The following TIAM1 variants were observed in gnomAD, a reference collection of about 807,000 sequenced individuals.
The protein encoded by TIAM1 is rho guanine nucleotide exchange factor TIAM1.
Under a neutral mutation model 163.5 loss-of-function variants are expected in TIAM1, and 65 were observed. The observed-to-expected ratio is 0.40, with a 90% CI of 0.33 to 0.49. TIAM1 has a LOEUF of 0.49. Ranked by LOEUF, TIAM1 falls within the 20% of genes least tolerant of loss-of-function variation. The pLI is 0.77. For missense variants in TIAM1, 1,789 were observed against 2,044.7 expected (o/e 0.87, Z 2.41); for synonymous variants, 833 against 810.1 (o/e 1.03, Z -0.48).
intron 22 of TIAM1, among the ~76,000 whole-genome samples, chr21:31,138,983 C>T (rs2082728034): frequency 1.3e-5 from 2 of 152,200 alleles, no homozygotes; most frequent in Non-Finnish European, 2.9e-5. Context: ...CAGTGTCCCT[C>T]CTTCCATCTT....
intron 1 of TIAM1, among the ~76,000 whole-genome samples, chr21:31,530,613 G>A (rs751868391): frequency 6.6e-6 from 1 of 152,170 alleles, no homozygotes; most frequent in Non-Finnish European, 1.5e-5. Context: ...CCGACTGTAT[G>A]AGCCCCCCTG....
intron 2 of TIAM1, among the ~76,000 whole-genome samples, chr21:31,438,179 CTTTTTTTTTTTTTTTTT>C (rs34844399): frequency 3.2e-5 from 2 of 62,716 alleles, no homozygotes; most frequent in African/African-American, 1.4e-4. Context: ...TATTTGTGAT[CTTTTTTTTTTTTTTTTT>C]TTTTTTTTTT....
chr21:31,293,703 G>A (rs938979144), intron 2 of TIAM1, among the ~76,000 whole-genome samples: 13 of 152,210 alleles, frequency 8.5e-5, no homozygotes, highest in Non-Finnish European at 5.9e-5. Flanking sequence ...TGAAGAGGTC[G>A]CTGCGAAGAG....
intron 15 of TIAM1, among the ~76,000 whole-genome samples, chr21:31,181,771 T>C (rs1488630117): frequency 1.8e-4 from 10 of 55,294 alleles, no homozygotes; most frequent in East Asian, 7.4e-4. Context: ...TTTTTTTTTT[T>C]TTTTTTTTTT....
At chr21:31,284,453 G>T (rs904234947) in intron 2 of TIAM1, among the ~76,000 whole-genome samples, 14 of 152,270 alleles carry the variant, frequency 9.2e-5, no homozygotes, top group African/African-American at 2.2e-4. Context: ...ACACAGCAGG[G>T]GGGGTGGAGG....
intron 2 of TIAM1, among the ~76,000 whole-genome samples, chr21:31,414,786 C>T (rs1013184815): frequency 2.0e-5 from 3 of 152,122 alleles, no homozygotes; most frequent in African/African-American, 7.2e-5. Flanking sequence ...GGGCAAAAAC[C>T]CAGGGAAGAG....
chr21:31,326,757 C>T (rs1203730070), intron 2 of TIAM1, among the ~76,000 whole-genome samples: 1 of 152,178 alleles, frequency 6.6e-6, no homozygotes, highest in South Asian at 2.1e-4. Flanking sequence ...GTGATTAAAG[C>T]GATTGCCCTC....
chr21:31,218,796 G>C (rs1307418131), intron 8 of TIAM1, among the ~76,000 whole-genome samples: 1 of 152,040 alleles, frequency 6.6e-6, no homozygotes, highest in African/African-American at 2.4e-5. Flanking sequence ...ATAAAAGGAA[G>C]GTCTGTGTTG....
intron 1 of TIAM1, among the ~76,000 whole-genome samples, chr21:31,493,110 C>G (rs537095786): frequency 6.6e-6 from 1 of 152,060 alleles, no homozygotes; most frequent in Non-Finnish European, 1.5e-5. Flanking sequence ...AAGCTCAATC[C>G]TGCGTAATCT....
At chr21:31,434,547 A>G (rs749732445) in intron 2 of TIAM1, among the ~76,000 whole-genome samples, 19 of 152,376 alleles carry the variant, frequency 1.2e-4, no homozygotes, top group South Asian at 1.2e-3. Context: ...GACCATGGTT[A>G]AGAGCTGGAA....
intron 16 of TIAM1, chr21:31,161,054 T>C (rs2083896308): frequency 6.6e-6 from 1 of 151,892 alleles, no homozygotes; most frequent in Non-Finnish European, 1.5e-5. Flanking sequence ...TGTGTGTGTG[T>C]GTGTGTGTGT....
chr21:31,129,518 A>G (rs567012593), intron 25 of TIAM1, among the ~76,000 whole-genome samples: 275 of 152,306 alleles, frequency 1.8e-3, no homozygotes, highest in African/African-American at 6.4e-3. Flanking sequence ...ATTTCTACAA[A>G]ATATTTAAAA....
intron 1 of TIAM1, among the ~76,000 whole-genome samples, chr21:31,538,161 A>T (rs1278968761): frequency 6.6e-6 from 1 of 152,214 alleles, no homozygotes; most frequent in Non-Finnish European, 1.5e-5. Context: ...GTTTTATCCC[A>T]TTTGTAAGAA....
upstream of TIAM1, among the ~76,000 whole-genome samples, chr21:31,348,907 C>A (rs990531593): frequency 6.6e-6 from 1 of 152,164 alleles, no homozygotes; most frequent in African/African-American, 2.4e-5. Context: ...ACATAGTTTT[C>A]TCTATCTGAA....
intron 2 of TIAM1, among the ~76,000 whole-genome samples, chr21:31,419,081 T>G (rs1217382305): frequency 6.6e-6 from 1 of 152,144 alleles, no homozygotes; most frequent in East Asian, 1.9e-4. Flanking sequence ...AGCTCTGGAA[T>G]CAACTCAGCC....
intron 2 of TIAM1, among the ~76,000 whole-genome samples, chr21:31,351,639 C>T (rs2076235811): frequency 6.6e-6 from 1 of 152,162 alleles, no homozygotes; most frequent in South Asian, 2.1e-4. Context: ...TCCTCCCAAA[C>T]AAATTACAGA....
intron 2 of TIAM1, among the ~76,000 whole-genome samples, chr21:31,292,285 C>T (rs2074051832): frequency 6.6e-6 from 1 of 152,124 alleles, no homozygotes; most frequent in Non-Finnish European, 1.5e-5. Context: ...TTGTTCTTCC[C>T]CGAAGGTCCC....
rs2081947868 is a variant in TIAM1 at position 31,120,273 on chromosome 21, G to A, written c.*95C>T. ...GCCAAAACCGTGTGTGCAAGAGCGCGACCTAAGGGGACATTCTTGTCGACG... is the reference window on the plus strand; with the variant it reads ...GCCAAAACCGTGTGTGCAAGAGCGCAACCTAAGGGGACATTCTTGTCGACG... On this transcript the variant is annotated 3_prime_UTR_variant, in exon 28 of 28. Coordinates refer to ENST00000541036, the MANE Select transcript of TIAM1 (RefSeq NM_001353694.2). This position sits in a 1 kb window ranked among gnomAD's most constrained non-coding sequence, Gnocchi z 4.2. The A allele has an allele frequency of 7.7e-6, 10 of 1,294,094 alleles. No individual in the cohort carries two copies. Among genetic ancestry groups the A allele is most frequent in the African/African-American group, 3.0e-5 (2 of 67,178 alleles). 80.2% of individuals were successfully genotyped at this position (1,294,094 alleles called of 1,614,324 possible). A position where few individuals can be genotyped will look rare whatever the true frequency, so the allele number is the denominator to read the frequency against.
chr21:31,316,092 C>G (rs1325114586), intron 2 of TIAM1, among the ~76,000 whole-genome samples: 1 of 152,144 alleles, frequency 6.6e-6, no homozygotes, highest in Non-Finnish European at 1.5e-5. Context: ...TATTGAGTGC[C>G]TACCAAGGGT....
Sources: gnomAD v4.1 joint callset for allele counts (sites outside exome capture counted in the v4.1 genomes callset) on GRCh38, gnomAD v4.1.1 for gene constraint, Gnocchi (gnomAD v3.1) non-coding constraint, MANE v1.5 for transcripts, NCBI Gene and HGNC (gene_info 2026-07-23, HGNC 2026-07-21) for gene names.